The following GABRG3 variants were observed in gnomAD, a reference collection of about 807,000 sequenced individuals.
The protein encoded by GABRG3 is gamma-aminobutyric acid receptor subunit gamma-3.
In GABRG3, 25 loss-of-function variants were observed where a neutral mutation model predicts 48.8. That is an observed-to-expected ratio of 0.51 (90% confidence interval 0.37 to 0.72). GABRG3 has a LOEUF of 0.72. Ranked by LOEUF, GABRG3 falls within the 30% of genes least tolerant of loss-of-function variation. The probability of loss-of-function intolerance (pLI) is 0.00; values close to 1 mark genes in which losing one functional copy is unlikely to be tolerated. For synonymous variants in GABRG3, 227 were observed against 217.6 expected (o/e 1.04, Z -0.38); for missense variants, 394 against 577.9 (o/e 0.68, Z 3.26).
At position 27,352,841 on chromosome 15, in the gene GABRG3, A is replaced by G. The variant is rs138624242; in HGVS notation, c.574+23953A>G. Among the ~76,000 whole-genome samples the G allele has an allele frequency of 3.9e-4, 59 of 152,190 alleles. No homozygotes were observed. The highest frequency in any genetic ancestry group is 1.3e-3 in the African/African-American group (56 of 41,524). On this transcript the variant is annotated intron_variant, in intron 5 of 9. Coordinates refer to ENST00000615808, the MANE Select transcript of GABRG3 (RefSeq NM_033223.5). The surrounding 1 kb of genome is among the most constrained non-coding windows in gnomAD (Gnocchi z 4.0). Reference sequence around the variant, plus strand: ...ATAGCAACACCTAACTCATAGGACTATGGGGGGCGTAAAATAAGACTCCAG... The same window carrying G: ...ATAGCAACACCTAACTCATAGGACTGTGGGGGGCGTAAAATAAGACTCCAG...
In GABRG3 at chr15:27,214,359, G is replaced by T. The variant is rs373883593; in HGVS notation, c.271-112450G>T. Among the ~76,000 whole-genome samples, 96 of 152,324 alleles carry T rather than the reference G, an allele frequency of 6.3e-4. 1 individual carries two copies. Among genetic ancestry groups the T allele is most frequent in the African/African-American group, 2.2e-3 (92 of 41,574 alleles). On this transcript the variant is annotated intron_variant, in intron 3 of 9. Transcript: ENST00000615808. The stretch of plus-strand genomic sequence containing the variant: ...TGTAATGGCCATGATGGCCGCGTCG[G>T]GTATGCTGGGGACAGATCCTCCTCT...
chr15:27,386,215 G>A (rs1043574211), intron 5 of GABRG3, among the ~76,000 whole-genome samples: 1 of 152,086 alleles, frequency 6.6e-6, no homozygotes, highest in Non-Finnish European at 1.5e-5. Context: ...CAACTGATTA[G>A]TCACAGCTTG....
intron 3 of GABRG3, among the ~76,000 whole-genome samples, chr15:27,243,086 G>A (rs556980709): frequency 2.6e-5 from 4 of 152,270 alleles, no homozygotes; most frequent in Admixed American, 2.6e-4. Context: ...TCTCTGATAG[G>A]AGTTACAGAC....
chr15:27,036,123 A>G (rs1161218645), intron 3 of GABRG3, among the ~76,000 whole-genome samples: 3 of 152,248 alleles, frequency 2.0e-5, no homozygotes, highest in Non-Finnish European at 4.4e-5. Context: ...AGTTTATTTG[A>G]GGTAAGACAT....
intron 3 of GABRG3, among the ~76,000 whole-genome samples, chr15:27,037,774 G>T (rs1896204577): frequency 6.6e-6 from 1 of 152,148 alleles, no homozygotes; most frequent in Non-Finnish European, 1.5e-5. Context: ...TGCTCTTTCT[G>T]GCTGCTGGTA....
rs188123693 is a variant in GABRG3, at chr15:27,319,103, G to A, written c.271-7706G>A. Among the ~76,000 whole-genome samples, 4 of 152,296 alleles carry A rather than the reference G, an allele frequency of 2.6e-5. No homozygotes were observed. The highest frequency in any genetic ancestry group is 4.8e-5 in the African/African-American group (2 of 41,560). ...AAGGCAACTGTGAGGTGATGGATGT[G>A]TTAATTAGCTTGATTGTGGTAACGA... On this transcript the variant is annotated intron_variant, in intron 3 of 9. Transcript: ENST00000615808. The surrounding 1 kb of genome is among the most constrained non-coding windows in gnomAD (Gnocchi z 4.4).
At chr15:27,398,199 A>G (rs1378850395) in intron 5 of GABRG3, among the ~76,000 whole-genome samples, 1 of 152,206 alleles carries the variant, frequency 6.6e-6, no homozygotes, top group Non-Finnish European at 1.5e-5. Flanking sequence ...CATTTATAAA[A>G]AAGCCTGGGA....
At chr15:27,253,135 G>A (rs1381590725) in intron 3 of GABRG3, among the ~76,000 whole-genome samples, 1 of 152,234 alleles carries the variant, frequency 6.6e-6, no homozygotes, top group Non-Finnish European at 1.5e-5. Context: ...TCACCGGGCT[G>A]CTGGACCCAC....
At chr15:26,978,532 T>A in intron 2 of GABRG3, among the ~76,000 whole-genome samples, 1 of 152,198 alleles carries the variant, frequency 6.6e-6, no homozygotes, top group Non-Finnish European at 1.5e-5. Flanking sequence ...TAATTTCTTT[T>A]CCCCACCCTC....
intron 3 of GABRG3, among the ~76,000 whole-genome samples, chr15:27,103,907 A>G (rs1046255890): frequency 2.0e-5 from 3 of 152,234 alleles, no homozygotes; most frequent in African/African-American, 7.2e-5. Flanking sequence ...ACTGCCTTGT[A>G]AATGCTCTTT....
chr15:27,263,341 C>T (rs1039372576), intron 3 of GABRG3, among the ~76,000 whole-genome samples: 9 of 152,174 alleles, frequency 5.9e-5, no homozygotes, highest in Non-Finnish European at 1.2e-4. Context: ...GAAAATTAAC[C>T]TGCAATATGT....
intron 3 of GABRG3, among the ~76,000 whole-genome samples, chr15:27,265,881 G>GTTT (rs147459440): frequency 0.014 from 1,793 of 124,826 alleles, 93 homozygotes; most frequent in Middle Eastern, 0.049. Context: ...ATTTTCTCCT[G>GTTT]GTTTTTTTTT....
intron 2 of GABRG3, among the ~76,000 whole-genome samples, chr15:27,005,343 G>A (rs1400775391): frequency 6.6e-6 from 1 of 152,094 alleles, no homozygotes; most frequent in African/African-American, 2.4e-5. Flanking sequence ...TGGGACTACA[G>A]GAGCAGGCCA....
intron 3 of GABRG3, among the ~76,000 whole-genome samples, chr15:27,192,039 T>G (rs1158417903): frequency 6.6e-6 from 1 of 152,278 alleles, no homozygotes; most frequent in East Asian, 1.9e-4. Flanking sequence ...TCTTTAAGAA[T>G]GTTGAATATT....
chr15:26,981,218 T>G (rs1370560873), intron 2 of GABRG3, among the ~76,000 whole-genome samples: 1 of 152,224 alleles, frequency 6.6e-6, no homozygotes, highest in Non-Finnish European at 1.5e-5. Context: ...GAAATGGAAT[T>G]GTTTCCAAAT....
At chr15:27,164,567 G>A (rs1887313076) in intron 3 of GABRG3, among the ~76,000 whole-genome samples, 1 of 151,940 alleles carries the variant, frequency 6.6e-6, no homozygotes, top group African/African-American at 2.4e-5. Context: ...TACTTGTTGT[G>A]TCTCTCCAGG....
At chr15:27,509,240 C>CT (rs1207353270) in intron 6 of GABRG3, among the ~76,000 whole-genome samples, 2 of 152,172 alleles carry the variant, frequency 1.3e-5, no homozygotes, top group Middle Eastern at 3.4e-3. Context: ...AAAAATGTAT[C>CT]TTTTTTTCCC....
chr15:27,201,041 C>A (rs1888664335), intron 3 of GABRG3, among the ~76,000 whole-genome samples: 2 of 152,138 alleles, frequency 1.3e-5, no homozygotes, highest in South Asian at 4.1e-4. Context: ...TTAATCCGAA[C>A]AAATGTAGAG....
rs150528407 is a variant in GABRG3, at chr15:27,386,966, A to C, written c.574+58078A>C. ...CTTTTGACAATTTAAATAACTTTCC[A>C]TGTTACTGTGCATATAAAAGTTGCT... On this transcript the variant is annotated intron_variant, in intron 5 of 9. Coordinates refer to ENST00000615808, the MANE Select transcript of GABRG3 (RefSeq NM_033223.5). Among the ~76,000 whole-genome samples the C allele has an allele frequency of 1.9e-3, 284 of 152,300 alleles. 2 individuals carry two copies. Among genetic ancestry groups the C allele is most frequent in the Non-Finnish European group, 1.3e-3 (87 of 68,030 alleles).
Sources: allele counts gnomAD v4.1 joint callset (sites outside exome capture counted in the v4.1 genomes callset), GRCh38; gene constraint gnomAD v4.1.1; non-coding constraint Gnocchi (gnomAD v3.1); transcripts MANE v1.5; gene names NCBI Gene and HGNC (gene_info 2026-07-23, HGNC 2026-07-21).